The following LGSN variants were observed in gnomAD, a reference collection of about 807,000 sequenced individuals.
LGSN encodes lengsin.
LGSN carries 21 observed loss-of-function variants against 19.5 expected under a neutral mutation model. The observed-to-expected ratio is 1.07, with a 90% CI of 0.76 to 1.55. The LOEUF is 1.55. Ranked by LOEUF, LGSN falls within the 40% of genes most tolerant of loss-of-function variation. The probability of loss-of-function intolerance (pLI) is 0.00; values close to 1 mark genes in which losing one functional copy is unlikely to be tolerated. For synonymous variants in LGSN, 257 were observed against 215.6 expected (o/e 1.19, Z -1.68); for missense variants, 673 against 608.5 (o/e 1.11, Z -1.12).
chr6:63,365,162 A>G, the LGSN span, among the ~76,000 whole-genome samples: 1 of 152,158 alleles, frequency 6.6e-6, no homozygotes, highest in Non-Finnish European at 1.5e-5. Context: ...TTTTTTTGAA[A>G]AAATCAACAA....
At chr6:63,322,107 T>G (rs1392638131), upstream of LGSN, among the ~76,000 whole-genome samples, 1 of 152,238 alleles carries the variant, frequency 6.6e-6, no homozygotes, top group African/African-American at 2.4e-5. Flanking sequence ...TGTTTACCAC[T>G]AAGTTACTGC....
At chr6:63,441,777 G>A in the LGSN span, 5 of 364,120 alleles carry the variant, frequency 1.4e-5, no homozygotes, top group South Asian at 4.7e-5. Context: ...CCACTCCCCC[G>A]GAAGCACACT....
At chr6:63,564,109 T>C in the LGSN span, among the ~76,000 whole-genome samples, 1 of 152,058 alleles carries the variant, frequency 6.6e-6, no homozygotes, top group Non-Finnish European at 1.5e-5. Context: ...ACCCCATCTC[T>C]ACTAAAAATA....
At chr6:63,555,763 G>A in the LGSN span, among the ~76,000 whole-genome samples, 4 of 147,208 alleles carry the variant, frequency 2.7e-5, no homozygotes, top group Admixed American at 7.0e-5. Flanking sequence ...GCGTGATCCC[G>A]GCTCACTGCA....
At chr6:63,317,823 T>C (rs560802836) in intron 1 of LGSN, among the ~76,000 whole-genome samples, 1 of 152,308 alleles carries the variant, frequency 6.6e-6, no homozygotes, top group Non-Finnish European at 1.5e-5. Flanking sequence ...CCTTCTGTGA[T>C]ATGGAAACGT....
At chr6:63,431,376 T>C in the LGSN span, among the ~76,000 whole-genome samples, 1 of 152,184 alleles carries the variant, frequency 6.6e-6, no homozygotes, top group Non-Finnish European at 1.5e-5. Context: ...AGCATTGTAT[T>C]TCACAGTACC....
At chr6:63,391,806 A>G in the LGSN span, among the ~76,000 whole-genome samples, 2 of 152,170 alleles carry the variant, frequency 1.3e-5, no homozygotes, top group Admixed American at 6.5e-5. Context: ...CAGAAGTCAC[A>G]TGATGTAAAG....
At position 63,280,695 on chromosome 6, in the gene LGSN, T is replaced by G; in HGVS notation, c.856A>C (p.Arg286=). 6.2e-7 allele frequency: 1 copy of G among 1,614,122 alleles called. No homozygotes were observed. The highest frequency in any genetic ancestry group is 8.5e-7 in the Non-Finnish European group (1 of 1,180,026). The stretch of plus-strand genomic sequence containing the variant: ...CTTGCCACTTCTTTGACACCTGTTC[T>G]GAGGGTAAATGCATTATCAGCTGAG... ...ISSADNAFTL[R]TGVKEVARKY... Residue 286 remains arginine (R), a synonymous_variant, in exon 4 of 4, where the codon AGA becomes CGA. Coordinates refer to ENST00000370657, the MANE Select transcript of LGSN (RefSeq NM_016571.3).
the LGSN span, among the ~76,000 whole-genome samples, chr6:63,561,523 T>C: frequency 6.6e-6 from 1 of 152,194 alleles, no homozygotes; most frequent in African/African-American, 2.4e-5. Context: ...ATCATCTTCC[T>C]TCTGTTCTCA....
the LGSN span, among the ~76,000 whole-genome samples, chr6:63,529,804 T>C: frequency 4.6e-5 from 7 of 152,128 alleles, no homozygotes; most frequent in African/African-American, 1.4e-4. Flanking sequence ...ACATCCTATA[T>C]TGGCAAAATA....
the LGSN span, among the ~76,000 whole-genome samples, chr6:63,351,419 GAGAGAGAGAGAGAGGA>G: frequency 2.0e-5 from 3 of 146,756 alleles, no homozygotes; most frequent in Non-Finnish European, 3.0e-5. Flanking sequence ...GTGTGTGTGA[GAGAGAGAGAGAGAGGA>G]AGAGAGAGAG....
At chr6:63,440,328 C>A in the LGSN span, among the ~76,000 whole-genome samples, 1 of 152,142 alleles carries the variant, frequency 6.6e-6, no homozygotes, top group East Asian at 1.9e-4. Context: ...AGGAGCCTGG[C>A]CTCCTCAGTT....
intron 2 of LGSN, among the ~76,000 whole-genome samples, chr6:63,289,421 C>G (rs1036659845): frequency 1.3e-5 from 2 of 152,112 alleles, no homozygotes; most frequent in Non-Finnish European, 2.9e-5. Context: ...ACAATTAAAC[C>G]TTTTGGTCAG....
At chr6:63,355,593 CT>C in the LGSN span, among the ~76,000 whole-genome samples, 18,029 of 152,174 alleles carry the variant, frequency 0.12, 2,235 homozygotes, top group African/African-American at 0.32. Flanking sequence ...GGAGGAAAAT[CT>C]TTCCTGGCCT....
chr6:63,506,124 G>A, the LGSN span, among the ~76,000 whole-genome samples: 1 of 152,202 alleles, frequency 6.6e-6, no homozygotes, highest in Non-Finnish European at 1.5e-5. Context: ...TTTTGACATA[G>A]TGAATGGTAT....
chr6:63,303,308 G>A (rs777675084), intron 1 of LGSN, among the ~76,000 whole-genome samples: 1 of 152,260 alleles, frequency 6.6e-6, no homozygotes, highest in East Asian at 1.9e-4. Context: ...ATGCAAGAAG[G>A]CTAATGCAAT....
chr6:63,455,587 T>C, the LGSN span, among the ~76,000 whole-genome samples: 1 of 151,898 alleles, frequency 6.6e-6, no homozygotes, highest in Non-Finnish European at 1.5e-5. Context: ...AAACCCCGTC[T>C]CTACTATAAA....
chr6:63,415,148 T>G, the LGSN span, among the ~76,000 whole-genome samples: 1 of 151,632 alleles, frequency 6.6e-6, no homozygotes, highest in Non-Finnish European at 1.5e-5. Flanking sequence ...GGAGAAACCC[T>G]GAAACCCTGT....
the LGSN span, among the ~76,000 whole-genome samples, chr6:63,387,661 G>A: frequency 2.6e-5 from 4 of 152,014 alleles, no homozygotes; most frequent in Non-Finnish European, 5.9e-5. Context: ...TGCAATGGGA[G>A]AGATGTCACA....
Sources: allele counts gnomAD v4.1 joint callset (sites outside exome capture counted in the v4.1 genomes callset), GRCh38; gene constraint gnomAD v4.1.1; transcripts MANE v1.5; gene names NCBI Gene and HGNC (gene_info 2026-07-23, HGNC 2026-07-21).